SYNE2: variants seen among roughly 807,000 people sequenced by gnomAD.
The protein encoded by SYNE2 is nesprin-2.
In SYNE2, 431 loss-of-function variants were observed where a neutral mutation model predicts 856.3. The observed-to-expected ratio is 0.50, with a 90% CI of 0.47 to 0.55. The LOEUF is 0.55. Among genes scored for constraint, SYNE2 ranks in the 20% least tolerant of loss-of-function variants. The pLI, the probability that SYNE2 is intolerant of heterozygous loss-of-function variation, is 0.00. For synonymous variants in SYNE2, 2,923 were observed against 2,872.3 expected (o/e 1.02, Z -0.56); for missense variants, 8,129 against 8,023.2 (o/e 1.01, Z -0.50).
rs1183656711 is a variant in SYNE2 at position 63,983,822 on chromosome 14, C to G, written c.2087C>G (p.Ala696Gly). Residue 696 changes from alanine (A) to glycine (G), a missense_variant, in exon 18 of 116, where the codon GCA becomes GGA. This residue lies in a region of SYNE2 where 2,422 missense variants were observed against 2,357.4 expected (regional missense o/e 1.03). Transcript: ENST00000555002. The stretch of plus-strand genomic sequence containing the variant: ...AATATTCTATCTAAAGAAGAGAAAG[C>G]AACTGTTGAGTTTTCAACAGATATG... ...SGNILSKEEK[A>G]TVEFSTDMSV... 1 of 1,608,618 alleles carries G rather than the reference C, an allele frequency of 6.2e-7. No individual in the cohort carries two copies. Among genetic ancestry groups the G allele is most frequent in the Admixed American group, 1.7e-5 (1 of 59,936 alleles).
At chr14:63,921,187 A>AG in intron 2 of SYNE2, among the ~76,000 whole-genome samples, 1 of 149,552 alleles carries the variant, frequency 6.7e-6, no homozygotes, top group Non-Finnish European at 1.5e-5. Flanking sequence ...CATTTACTGA[A>AG]AAAAAAAAAG....
chr14:64,045,988 G>A (rs140809692), intron 45 of SYNE2, among the ~76,000 whole-genome samples: 6,427 of 152,246 alleles, frequency 0.042, 202 homozygotes, highest in Middle Eastern at 0.085. Context: ...CCTTGTTGGG[G>A]ATGTGGACAT....
chr14:64,075,156 A>G (rs2097448032), intron 53 of SYNE2, among the ~76,000 whole-genome samples: 1 of 152,242 alleles, frequency 6.6e-6, no homozygotes, highest in African/African-American at 2.4e-5. Context: ...AATTGTAATC[A>G]TTCTTCAGTA....
intron 51 of SYNE2, among the ~76,000 whole-genome samples, chr14:64,066,504 AAAAC>A (rs998428382): frequency 3.9e-5 from 6 of 152,234 alleles, no homozygotes; most frequent in Admixed American, 3.3e-4. Context: ...CACTGTCTCA[AAAAC>A]AAACAAACAA....
chr14:64,190,521 G>A, intron 99 of SYNE2: 1 of 673,328 alleles, frequency 1.5e-6, no homozygotes, highest in Non-Finnish European at 2.7e-6. Flanking sequence ...CCTTGGGAGG[G>A]GGTATTGTTT....
Position 64,219,662 on chromosome 14 carries a change from A to G in SYNE2, c.19860+252A>G, listed in dbSNP as rs568784140. 2.0e-5 allele frequency among the ~76,000 whole-genome samples: 3 copies of G among 152,276 alleles called. No homozygotes were observed. The South Asian group carries it at 6.2e-4, about 32-fold the overall frequency. The stretch of plus-strand genomic sequence containing the variant: ...GGGGAGGTGTGGCTCAGATCTCCAG[A>G]GATGGAAAAATCTGACATCCGAGGC... On this transcript the variant is annotated intron_variant, in intron 110 of 115. Coordinates refer to ENST00000555002, the MANE Select transcript of SYNE2 (RefSeq NM_182914.3).
intron 32 of SYNE2, among the ~76,000 whole-genome samples, chr14:64,015,276 C>T (rs371006203): frequency 2.0e-5 from 3 of 151,630 alleles, no homozygotes; most frequent in Non-Finnish European, 4.4e-5. Context: ...GCTGTTAAAT[C>T]TCCTTTAGAT....
intron 84 of SYNE2, among the ~76,000 whole-genome samples, chr14:64,151,590 T>C (rs978735847): frequency 6.7e-6 from 1 of 149,494 alleles, no homozygotes; most frequent in Non-Finnish European, 1.5e-5. Context: ...GGGATCCTTA[T>C]GCAAAGCAAT....
intron 97 of SYNE2, among the ~76,000 whole-genome samples, chr14:64,187,930 T>C (rs1196734659): frequency 6.6e-6 from 1 of 152,178 alleles, no homozygotes; most frequent in Non-Finnish European, 1.5e-5. Context: ...GGGTATTGGG[T>C]ATTTTGGGGT....
chr14:64,025,067 A>G (rs1027003897), intron 40 of SYNE2, 36 bp downstream of exon 40: 2 of 1,613,916 alleles, frequency 1.2e-6, no homozygotes, highest in African/African-American at 1.3e-5. Flanking sequence ...ATTACCTGAG[A>G]TTATGGTTTC....
At chr14:63,975,467 A>C (rs1343309503) in intron 11 of SYNE2, among the ~76,000 whole-genome samples, 1 of 151,910 alleles carries the variant, frequency 6.6e-6, no homozygotes, top group Non-Finnish European at 1.5e-5. Context: ...TGAGTAGCTG[A>C]GACTATAGGT....
At chr14:63,850,767 TACTAGACA>T (rs1456643592), upstream of SYNE2, among the ~76,000 whole-genome samples, 11 of 152,158 alleles carry the variant, frequency 7.2e-5, no homozygotes, top group Non-Finnish European at 1.5e-4. Context: ...CTTTAAGGTG[TACTAGACA>T]ACATGGAGCA....
chr14:63,855,147 ATAAG>A (rs1340482988), intron 1 of SYNE2, among the ~76,000 whole-genome samples: 1 of 152,100 alleles, frequency 6.6e-6, no homozygotes, highest in African/African-American at 2.4e-5. Flanking sequence ...TTTTTCATCT[ATAAG>A]TATTTATTGA....
intron 6 of SYNE2, among the ~76,000 whole-genome samples, chr14:63,948,160 CACACAT>C (rs1432586588): frequency 5.9e-4 from 59 of 99,764 alleles, no homozygotes; most frequent in African/African-American, 1.9e-3. Flanking sequence ...CACACAGACA[CACACAT>C]ACACACACAC....
intron 1 of SYNE2, among the ~76,000 whole-genome samples, chr14:63,833,354 A>G (rs1889736408): frequency 6.6e-6 from 1 of 152,226 alleles, no homozygotes; most frequent in African/African-American, 2.4e-5. Flanking sequence ...ATACAAATCT[A>G]TAGTGCTTAT....
chr14:64,173,170 T>C (rs1023035334), intron 94 of SYNE2, among the ~76,000 whole-genome samples: 9 of 152,198 alleles, frequency 5.9e-5, no homozygotes, highest in Non-Finnish European at 1.0e-4. Context: ...CCCTGAGACT[T>C]CTTCAGTTCA....
At chr14:63,935,502 T>C (rs2095819375) in intron 2 of SYNE2, among the ~76,000 whole-genome samples, 1 of 152,192 alleles carries the variant, frequency 6.6e-6, no homozygotes, top group African/African-American at 2.4e-5. Context: ...TTCTAGAACT[T>C]AAATTAGATG....
upstream of SYNE2, among the ~76,000 whole-genome samples, chr14:63,851,104 T>G (rs1019731372): frequency 6.6e-6 from 1 of 152,204 alleles, no homozygotes; most frequent in Non-Finnish European, 1.5e-5. Flanking sequence ...GGCTCATGCC[T>G]GTAATCCCAG....
Position 63,876,266 on chromosome 14 carries a change from A to AG in SYNE2, c.-52+23124dup, listed in dbSNP as rs35625461. On this transcript the variant is annotated intron_variant, in intron 1 of 115. Coordinates refer to ENST00000555002, the MANE Select transcript of SYNE2 (RefSeq NM_182914.3). ...TATCTCTACAAAAAAAAAAAAAAAAAGTTAGCGGGGTGTGTTGGCACACGC... is the reference window on the plus strand; with the variant it reads ...TATCTCTACAAAAAAAAAAAAAAAAAGGTTAGCGGGGTGTGTTGGCACACGC... Among the ~76,000 whole-genome samples, 3 of 149,744 alleles carry AG rather than the reference A, an allele frequency of 2.0e-5. No individual in the cohort carries two copies. In the East Asian group the frequency reaches 5.9e-4, roughly 29 times the overall value.
Sources: gnomAD v4.1 joint callset for allele counts (sites outside exome capture counted in the v4.1 genomes callset) on GRCh38, gnomAD v4.1.1 for gene constraint, gnomAD v4.1.1 regional missense constraint, MANE v1.5 for transcripts, NCBI Gene and HGNC (gene_info 2026-07-23, HGNC 2026-07-21) for gene names.